ATRIP: variants seen among roughly 807,000 people sequenced by gnomAD.
ATRIP encodes the protein ATR-interacting protein.
In ATRIP, 44 loss-of-function variants were observed where a neutral mutation model predicts 78.1. That is an observed-to-expected ratio of 0.56 (90% CI 0.44 to 0.72). The LOEUF (loss-of-function observed/expected upper bound fraction) is 0.72, where lower values mean the gene tolerates loss of function less well. ATRIP is among the 30% of genes least tolerant of loss of function. The pLI, the probability that ATRIP is intolerant of heterozygous loss-of-function variation, is 0.00. For missense variants in ATRIP, 927 were observed against 980.2 expected (o/e 0.95, Z 0.72); for synonymous variants, 388 against 408.9 (o/e 0.95, Z 0.62).
chr3:48,458,078 C>A (rs1475325676), intron 5 of ATRIP, among the ~76,000 whole-genome samples: 1 of 133,856 alleles, frequency 7.5e-6, no homozygotes, highest in Non-Finnish European at 1.6e-5. Flanking sequence ...ATTTGTGGGC[C>A]TTTTTTTTTT....
chr3:48,463,799 G>T lies in ATRIP; in HGVS notation c.1800G>T (p.Leu600=), dbSNP rs781680036. Residue 600 remains leucine (L), a synonymous_variant, in exon 9 of 13, where the codon CTG becomes CTT. Coordinates refer to ENST00000320211, the MANE Select transcript of ATRIP (RefSeq NM_130384.3). ...LPKCLSPETP[L]PSVLLAVELL... ...AGTGCCTCAGCCCAGAGACACCCCTGCCTAGCGTGCTGCTGGCTGTTGAGC... is the reference window on the plus strand; with the variant it reads ...AGTGCCTCAGCCCAGAGACACCCCTTCCTAGCGTGCTGCTGGCTGTTGAGC... 1 of 1,614,164 alleles carries T rather than the reference G, an allele frequency of 6.2e-7. No homozygotes were observed. Among genetic ancestry groups the T allele is most frequent in the Admixed American group, 1.7e-5 (1 of 60,012 alleles).
At chr3:48,454,221 T>A in intron 3 of ATRIP, 79 bp from the exon 4 acceptor site, 1 of 786,730 alleles carries the variant, frequency 1.3e-6, no homozygotes, top group Non-Finnish European at 2.2e-6. Flanking sequence ...TGTCTTTTAC[T>A]GGCTTGTGAT....
At position 48,467,131 on chromosome 3, in the gene ATRIP, T is replaced by C; in HGVS notation, c.*1577T>C. 6.2e-7 allele frequency: 1 copy of C among 1,613,944 alleles called. No homozygotes were observed. Among genetic ancestry groups the C allele is most frequent in the Admixed American group, 1.7e-5 (1 of 60,032 alleles). ...TTCTGTGTGGATAGCATCACTGCGC[T>C]GAAGGCCCTGGAGCGAGCAAGCAGC... is the stretch of plus-strand genomic sequence containing the variant. On this transcript the variant is annotated 3_prime_UTR_variant, in exon 13 of 13. Transcript: ENST00000320211.
chr3:48,460,878 T>TAA, intron 8 of ATRIP, 79 bp downstream of exon 8: 1 of 1,358,728 alleles, frequency 7.4e-7, no homozygotes, highest in Non-Finnish European at 1.0e-6. Context: ...CACTTGTACT[T>TAA]TGCTCACATC....
At chr3:48,462,500 G>A (rs1473644307) in intron 8 of ATRIP, among the ~76,000 whole-genome samples, 2 of 152,118 alleles carry the variant, frequency 1.3e-5, no homozygotes, top group Non-Finnish European at 2.9e-5. Context: ...TCAGGAGATC[G>A]AGACCATCCT....
chr3:48,450,293 A>G, intron 2 of ATRIP, 123 bp downstream of exon 2: 2 of 1,287,096 alleles, frequency 1.6e-6, no homozygotes, highest in Non-Finnish European at 2.1e-6. Context: ...TGACATGGGA[A>G]AAGACTAGGG....
In ATRIP at chr3:48,467,454, A is replaced by G. The variant is rs2040380359; in HGVS notation, c.*1900A>G. 1 of 1,614,028 alleles carries G rather than the reference A, an allele frequency of 6.2e-7. No individual in the cohort carries two copies. Among genetic ancestry groups the G allele is most frequent in the Admixed American group, 1.7e-5 (1 of 60,006 alleles). The stretch of plus-strand genomic sequence containing the variant: ...GAACACTAGTCCCAGCCTTGGAGAG[A>G]GCAGGGGTACCAAGGATCTTCCTCC... On this transcript the variant is annotated 3_prime_UTR_variant, in exon 13 of 13. Coordinates refer to ENST00000320211, the MANE Select transcript of ATRIP (RefSeq NM_130384.3).
chr3:48,463,745 G>T lies in ATRIP; in HGVS notation c.1746G>T (p.Arg582Ser), dbSNP rs1363150057. Residue 582 changes from arginine to serine, a missense_variant and splice_region_variant, in exon 9 of 13, where the codon AGG (arginine) becomes AGT (serine). By Grantham distance (110) the Arg-to-Ser change is moderately radical. Transcript: ENST00000320211. ...GTCTCTCTGGGTCCCTGTCTTTTAGGTTCCAGTGTGTGTTCCAAGTGCTGC... is the reference window on the plus strand; with the variant it reads ...GTCTCTCTGGGTCCCTGTCTTTTAGTTTCCAGTGTGTGTTCCAAGTGCTGC... ...AENTSCDFLPRFQCVFQVLPK... is the reference protein window; with the variant it reads ...AENTSCDFLPSFQCVFQVLPK... 1 of 1,614,090 alleles carries T rather than the reference G, an allele frequency of 6.2e-7. No homozygotes were observed. The highest frequency in any genetic ancestry group is 8.5e-7 in the Non-Finnish European group (1 of 1,179,992).
chr3:48,467,470 A>G lies in ATRIP; in HGVS notation c.*1916A>G, dbSNP rs979808671. 2 of 1,614,124 alleles carry G rather than the reference A, an allele frequency of 1.2e-6. No homozygotes were observed. The highest frequency in any genetic ancestry group is 3.3e-5 in the Admixed American group (2 of 60,028). ...CTTGGAGAGAGCAGGGGTACCAAGG[A>G]TCTTCCTCCAGTGAAGGACCCTGGA... On this transcript the variant is annotated 3_prime_UTR_variant, in exon 13 of 13. Transcript: ENST00000320211.
At position 48,456,249 on chromosome 3, in the gene ATRIP, C is replaced by G. The variant is rs1398370766; in HGVS notation, c.672-1010C>G. Among the ~76,000 whole-genome samples the G allele has an allele frequency of 3.3e-5, 5 of 151,914 alleles. No individual in the cohort carries two copies. In the East Asian group the frequency reaches 9.7e-4, roughly 29 times the overall value. On this transcript the variant is annotated intron_variant, in intron 4 of 12. Transcript: ENST00000320211. ...TTAAGGCTAGCAGTTCGAGACCAGC[C>G]TGGGCAACATAGCAAAACCCCATTG...
At chr3:48,461,420 AG>A (rs1272538358) in intron 8 of ATRIP, 2 of 152,344 alleles carry the variant, frequency 1.3e-5, no homozygotes, top group African/African-American at 2.4e-5. Context: ...CCAGTAATCC[AG>A]TCTCCCTCAG....
intron 4 of ATRIP, 122 bp from the exon 5 acceptor site, chr3:48,457,136 TA>T: frequency 1.2e-6 from 1 of 855,176 alleles, no homozygotes; most frequent in Non-Finnish European, 1.6e-6. Flanking sequence ...ATATAATAGA[TA>T]AAACCTTTGG....
In ATRIP at chr3:48,466,506, C is replaced by T. The variant is rs1227078079; in HGVS notation, c.*952C>T. ...CTGCCTGAAAATGGGCCCTGGAGCTCGCAGACAGGGCAGGATTGTGCAGGG... is the reference window on the plus strand; with the variant it reads ...CTGCCTGAAAATGGGCCCTGGAGCTTGCAGACAGGGCAGGATTGTGCAGGG... On this transcript the variant is annotated 3_prime_UTR_variant, in exon 13 of 13. Coordinates refer to ENST00000320211, the MANE Select transcript of ATRIP (RefSeq NM_130384.3). 6 of 1,613,826 alleles carry T rather than the reference C, an allele frequency of 3.7e-6. No individual in the cohort carries two copies. Among genetic ancestry groups the T allele is most frequent in the East Asian group, 4.5e-5 (2 of 44,876 alleles).
Position 48,466,883 on chromosome 3 carries a change from C to CT in ATRIP, c.*1330dup, listed in dbSNP as rs1455663493. 2 of 1,612,600 alleles carry CT rather than the reference C, an allele frequency of 1.2e-6. No homozygotes were observed. Among genetic ancestry groups the CT allele is most frequent in the Non-Finnish European group, 1.7e-6 (2 of 1,180,028 alleles). On this transcript the variant is annotated 3_prime_UTR_variant, in exon 13 of 13. Coordinates refer to ENST00000320211, the MANE Select transcript of ATRIP (RefSeq NM_130384.3). ...CCCTGTGTGTGGCTCCGGGGAAGGC[C>CT]TGCAGCCCTGCAGCCAGCGAGATCA...
Position 48,464,086 on chromosome 3 carries a change from C to T in ATRIP, c.1928C>T (p.Pro643Leu), listed in dbSNP as rs778997930. Residue 643 changes from proline to leucine, a missense_variant, in exon 10 of 13, where the codon CCT becomes CTT. Transcript: ENST00000320211. ...CTGTACATGTACATCACATCACGGC[C>T]TGACAGAGTGGCCTTGGAGACACAA... ...LLLYMYITSR[P>L]DRVALETQWL... 10 of 1,613,762 alleles carry T rather than the reference C, an allele frequency of 6.2e-6. No individual in the cohort carries two copies. The East Asian group carries it at 2.0e-4, about 32-fold the overall frequency.
intron 12 of ATRIP, 42 bp from the exon 13 acceptor site, chr3:48,465,445 C>CA: frequency 1.3e-6 from 2 of 1,589,972 alleles, no homozygotes; most frequent in Non-Finnish European, 1.7e-6. Context: ...TAGGCCCTGG[C>CA]ACCTTTGGGC....
rs2039975103 is a variant in ATRIP at position 48,457,196 on chromosome 3, AC to A, written c.672-61del. The A allele has an allele frequency of 2.2e-6, 3 of 1,388,912 alleles. No individual in the cohort carries two copies. In the South Asian group the frequency reaches 5.7e-5, roughly 26 times the overall value. 86.0% of individuals were successfully genotyped at this position (1,388,912 alleles called of 1,614,324 possible). ...TTTAAAGTTTGTTAGAAATTTTGTAACCAGATATTTTGAATGGTTTTAGTAG... is the reference window on the plus strand; with the variant it reads ...TTTAAAGTTTGTTAGAAATTTTGTAACAGATATTTTGAATGGTTTTAGTAG... On this transcript the variant is annotated intron_variant, in intron 4 of 12. Transcript: ENST00000320211.
chr3:48,454,481 G>T, intron 4 of ATRIP, 63 bp downstream of exon 4: 12 of 1,287,510 alleles, frequency 9.3e-6, no homozygotes, highest in Non-Finnish European at 1.3e-5. Context: ...CTGCATAACA[G>T]TGTCAGGCTG....
chr3:48,451,002 A>G (rs2039821960), intron 2 of ATRIP, among the ~76,000 whole-genome samples: 1 of 151,672 alleles, frequency 6.6e-6, no homozygotes, highest in African/African-American at 2.4e-5. Context: ...CAGCCTGGCC[A>G]ACATGGTGAA....
Sources: allele counts gnomAD v4.1 joint callset (sites outside exome capture counted in the v4.1 genomes callset), GRCh38; gene constraint gnomAD v4.1.1; transcripts MANE v1.5; gene names NCBI Gene and HGNC (gene_info 2026-07-23, HGNC 2026-07-21).